The following GRM7 variants were observed in gnomAD, a reference collection of about 807,000 sequenced individuals.
GRM7 encodes the protein glutamate metabotropic receptor 7, also known as metabotropic glutamate receptor 7.
A neutral mutation model predicts 84.5 loss-of-function variants in GRM7; 35 were observed. That is an observed-to-expected ratio of 0.41 (90% CI 0.32 to 0.55). The LOEUF (loss-of-function observed/expected upper bound fraction) is 0.55. Among genes scored for constraint, GRM7 ranks in the 20% least tolerant of loss-of-function variants. The pLI, the probability that GRM7 is intolerant of heterozygous loss-of-function variation, is 0.19. For synonymous variants in GRM7, 487 were observed against 455.1 expected (o/e 1.07, Z -0.89); for missense variants, 1,003 against 1,194.6 (o/e 0.84, Z 2.36).
chr3:7,284,286 G>A (rs879463671), intron 2 of GRM7, among the ~76,000 whole-genome samples: 12 of 13,754 alleles, frequency 8.7e-4, no homozygotes, highest in African/African-American at 2.0e-3. Context: ...ATGCTCACTC[G>A]TGTGTGTGTG....
intron 7 of GRM7, among the ~76,000 whole-genome samples, chr3:7,558,520 G>A (rs544466780): frequency 6.6e-6 from 1 of 152,204 alleles, no homozygotes; most frequent in East Asian, 1.9e-4. Context: ...CAGTGTGAGG[G>A]AAGGGAACAA....
intron 2 of GRM7, among the ~76,000 whole-genome samples, chr3:7,276,989 T>C (rs978637055): frequency 6.6e-6 from 1 of 152,038 alleles, no homozygotes; most frequent in African/African-American, 2.4e-5. Context: ...TGTTTTCAAC[T>C]TGAACCAGTT....
At chr3:7,191,881 A>T (rs1046043706) in intron 2 of GRM7, among the ~76,000 whole-genome samples, 2 of 152,078 alleles carry the variant, frequency 1.3e-5, no homozygotes, top group East Asian at 3.9e-4. Flanking sequence ...ATATATTTAA[A>T]AATAAATTTT....
intron 9 of GRM7, among the ~76,000 whole-genome samples, chr3:7,726,094 T>C (rs1017090209): frequency 1.3e-5 from 2 of 152,156 alleles, no homozygotes; most frequent in Non-Finnish European, 2.9e-5. Flanking sequence ...TTGTAATTAA[T>C]AATGAGTCAG....
intron 3 of GRM7, among the ~76,000 whole-genome samples, 187 bp downstream of exon 3, chr3:7,299,012 CTG>C (rs1345099289): frequency 1.3e-5 from 2 of 152,026 alleles, no homozygotes; most frequent in Non-Finnish European, 2.9e-5. Flanking sequence ...TGTTTTCCCT[CTG>C]TTAGCAAAAT....
intron 7 of GRM7, among the ~76,000 whole-genome samples, chr3:7,475,239 A>T (rs1698874277): frequency 6.6e-6 from 1 of 152,228 alleles, no homozygotes; most frequent in Non-Finnish European, 1.5e-5. Flanking sequence ...GGGAGCCTTC[A>T]CAATGACTGA....
chr3:7,423,191 T>C (rs1485361562), intron 5 of GRM7, among the ~76,000 whole-genome samples: 3 of 152,140 alleles, frequency 2.0e-5, no homozygotes, highest in South Asian at 2.1e-4. Flanking sequence ...AAGTCACCCA[T>C]AGCAACTGTG....
At chr3:7,081,758 A>C (rs1293836066) in intron 1 of GRM7, among the ~76,000 whole-genome samples, 1 of 152,144 alleles carries the variant, frequency 6.6e-6, no homozygotes, top group Non-Finnish European at 1.5e-5. Context: ...GTGAACACAC[A>C]AATGATAAAT....
chr3:7,270,599 G>A lies in GRM7; in HGVS notation c.737-28085G>A, dbSNP rs184914140. Among the ~76,000 whole-genome samples the A allele has an allele frequency of 8.1e-4, 124 of 152,160 alleles. 2 individuals are homozygous for A. In the East Asian group the frequency reaches 0.019, roughly 23 times the overall value. ...AGATTGGCTTTAAAAATGGCTTCCT[G>A]TCCCAGTTACATATTCTCATCCTCA... On this transcript the variant is annotated intron_variant, in intron 2 of 9. Coordinates refer to ENST00000357716, the MANE Select transcript of GRM7 (RefSeq NM_000844.4).
chr3:7,161,809 G>A (rs368971349), intron 2 of GRM7, among the ~76,000 whole-genome samples: 7 of 152,140 alleles, frequency 4.6e-5, no homozygotes, highest in Non-Finnish European at 8.8e-5. Flanking sequence ...TGAGATGAAC[G>A]GGAGTAAACA....
chr3:7,681,922 A>G (rs1700383344), intron 9 of GRM7: 1 of 152,234 alleles, frequency 6.6e-6, no homozygotes, highest in African/African-American at 2.4e-5. Context: ...CCCTTCCTGA[A>G]GAGGCAAAAA....
At chr3:7,558,683 C>G (rs1256450864) in intron 7 of GRM7, among the ~76,000 whole-genome samples, 1 of 152,048 alleles carries the variant, frequency 6.6e-6, no homozygotes. Context: ...TTGACATAGT[C>G]TAGGCATTAA....
chr3:7,654,474 G>C (rs1280618249), intron 8 of GRM7, among the ~76,000 whole-genome samples: 1 of 152,144 alleles, frequency 6.6e-6, no homozygotes, highest in East Asian at 1.9e-4. Flanking sequence ...TCCTCAAATG[G>C]AGGGAATCAG....
chr3:7,605,695 G>A (rs986181512), intron 8 of GRM7, among the ~76,000 whole-genome samples: 10 of 151,880 alleles, frequency 6.6e-5, no homozygotes, highest in Admixed American at 2.6e-4. Flanking sequence ...CCTAAAAAAT[G>A]CTAGATTTAA....
intron 4 of GRM7, among the ~76,000 whole-genome samples, chr3:7,402,064 G>T (rs1394695304): frequency 6.6e-6 from 1 of 151,836 alleles, no homozygotes; most frequent in African/African-American, 2.4e-5. Context: ...TTTTTTTCTA[G>T]GACTCTAATT....
intron 4 of GRM7, among the ~76,000 whole-genome samples, chr3:7,380,714 C>T (rs1416476814): frequency 6.6e-6 from 1 of 152,194 alleles, no homozygotes; most frequent in East Asian, 1.9e-4. Flanking sequence ...AACATTCTAA[C>T]TATCCTGAAG....
intron 1 of GRM7, among the ~76,000 whole-genome samples, chr3:6,951,031 C>T (rs1021639668): frequency 2.8e-4 from 42 of 152,176 alleles, no homozygotes; most frequent in African/African-American, 7.5e-4. Flanking sequence ...CTCCCTGCTT[C>T]GGCTCACGCA....
At chr3:7,104,225 T>C (rs1232748265) in intron 1 of GRM7, among the ~76,000 whole-genome samples, 1 of 134,148 alleles carries the variant, frequency 7.5e-6, no homozygotes, top group Non-Finnish European at 1.5e-5. Context: ...AAAAAGTGCC[T>C]TTTTTTTTCT....
At chr3:7,534,818 T>C (rs1388070033) in intron 7 of GRM7, among the ~76,000 whole-genome samples, 3 of 152,130 alleles carry the variant, frequency 2.0e-5, no homozygotes, top group African/African-American at 7.2e-5. Context: ...TCACAGCTGG[T>C]GAATCTATCG....
Sources: gnomAD v4.1 joint callset for allele counts (sites outside exome capture counted in the v4.1 genomes callset) on GRCh38, gnomAD v4.1.1 for gene constraint, MANE v1.5 for transcripts, NCBI Gene and HGNC (gene_info 2026-07-23, HGNC 2026-07-21) for gene names.